SMYD3: variants seen among roughly 807,000 people sequenced by gnomAD.
The protein encoded by SMYD3 is histone-lysine N-methyltransferase SMYD3.
Under a neutral mutation model 57.7 loss-of-function variants are expected in SMYD3, and 36 were observed. The ratio of observed to expected loss-of-function variants is 0.62; its 90% CI spans 0.48 to 0.82. The LOEUF (loss-of-function observed/expected upper bound fraction) is 0.82. Among genes scored for constraint, SMYD3 ranks in the 40% least tolerant of loss-of-function variants. The pLI is 0.00. For missense variants in SMYD3, 515 were observed against 538.8 expected, an observed-to-expected ratio of 0.96 and a Z score of 0.44; for synonymous variants, 211 against 195.0, an observed-to-expected ratio of 1.08 and a Z score of -0.68.
At chr1:246,186,841 A>T in intron 5 of SMYD3, 1 of 985,058 alleles carries the variant, frequency 1.0e-6, no homozygotes, top group Non-Finnish European at 1.2e-6. Context: ...CCAGTCTCAC[A>T]CTCTCCCCAC....
At chr1:246,213,098 G>T (rs1050439617) in intron 5 of SMYD3, among the ~76,000 whole-genome samples, 2 of 152,274 alleles carry the variant, frequency 1.3e-5, no homozygotes, top group South Asian at 4.1e-4. Flanking sequence ...GCAGAGAAAT[G>T]AATAAAATTA....
At chr1:246,023,807 CTGTGTGTGTGTGTGTGTG>C in intron 5 of SMYD3, among the ~76,000 whole-genome samples, 1 of 139,612 alleles carries the variant, frequency 7.2e-6, no homozygotes, top group South Asian at 2.6e-4. Flanking sequence ...TATTACAAAA[CTGTGTGTGTGTGTGTGTG>C]TGTGTGTGTG....
chr1:245,876,746 T>C (rs764266550), intron 8 of SMYD3, among the ~76,000 whole-genome samples: 1 of 152,210 alleles, frequency 6.6e-6, no homozygotes, highest in African/African-American at 2.4e-5. Flanking sequence ...ACAGCTGAGA[T>C]GTGGCCTCAG....
At chr1:246,194,774 T>C (rs1045441258) in intron 5 of SMYD3, among the ~76,000 whole-genome samples, 1 of 152,246 alleles carries the variant, frequency 6.6e-6, no homozygotes, top group African/African-American at 2.4e-5. Context: ...CTGATTGCCA[T>C]ATTGCACAAC....
chr1:246,498,647 T>C (rs1176238485), intron 1 of SMYD3, among the ~76,000 whole-genome samples: 1 of 147,528 alleles, frequency 6.8e-6, no homozygotes, highest in Non-Finnish European at 1.5e-5. Flanking sequence ...AGGAGAATAG[T>C]GTGAACCTGG....
intron 5 of SMYD3, among the ~76,000 whole-genome samples, chr1:246,058,710 C>A (rs1051767079): frequency 6.6e-6 from 1 of 152,014 alleles, no homozygotes; most frequent in Non-Finnish European, 1.5e-5. Flanking sequence ...TTCTACAGAA[C>A]TTATAGCAGC....
intron 5 of SMYD3, chr1:246,189,060 A>G (rs1019644510): frequency 6.6e-6 from 1 of 152,132 alleles, no homozygotes; most frequent in Non-Finnish European, 1.5e-5. Flanking sequence ...CTTGTACAGG[A>G]GCCATACTAA....
intron 10 of SMYD3, among the ~76,000 whole-genome samples, chr1:245,769,131 C>T (rs1346399007): frequency 6.6e-6 from 1 of 152,086 alleles, no homozygotes; most frequent in Non-Finnish European, 1.5e-5. Flanking sequence ...TTTTGCAACT[C>T]CTGGAGAATT....
intron 10 of SMYD3, among the ~76,000 whole-genome samples, chr1:245,805,920 G>T (rs2048124758): frequency 6.6e-6 from 1 of 152,150 alleles, no homozygotes; most frequent in Non-Finnish European, 1.5e-5. Context: ...TACTGCTTCA[G>T]TATATGCAGC....
chr1:246,426,740 T>C (rs1242763188), intron 1 of SMYD3, among the ~76,000 whole-genome samples: 1 of 152,218 alleles, frequency 6.6e-6, no homozygotes, highest in African/African-American at 2.4e-5. Context: ...ATTCTTAGTG[T>C]CTTCCTAATA....
chr1:245,863,983 C>A, intron 8 of SMYD3, 97 bp from the exon 9 acceptor site: 1 of 1,096,184 alleles, frequency 9.1e-7, no homozygotes, highest in African/African-American at 1.6e-5. Flanking sequence ...GCCTGCAAGC[C>A]CCTGAAAAGA....
At chr1:245,918,950 C>G (rs7550259) in intron 7 of SMYD3, among the ~76,000 whole-genome samples, 106,120 of 152,092 alleles carry the variant, frequency 0.7, 41,574 homozygotes, top group Non-Finnish European at 0.89. Context: ...TTGACTAACC[C>G]AAGACTTTAT....
At chr1:246,395,668 CCA>C (rs74163442) in intron 1 of SMYD3, among the ~76,000 whole-genome samples, 4 of 86,078 alleles carry the variant, frequency 4.6e-5, no homozygotes, top group Non-Finnish European at 8.2e-5. Flanking sequence ...GACGAACCCA[CCA>C]CAGTCAGACA....
At chr1:245,797,848 A>T (rs76097620) in intron 10 of SMYD3, among the ~76,000 whole-genome samples, 3 of 138,936 alleles carry the variant, frequency 2.2e-5, no homozygotes, top group East Asian at 2.0e-4. Context: ...AAAAAAAAAA[A>T]GGTGGATCAA....
At chr1:245,845,765 T>C (rs2050633412) in intron 10 of SMYD3, among the ~76,000 whole-genome samples, 1 of 152,256 alleles carries the variant, frequency 6.6e-6, no homozygotes, top group Non-Finnish European at 1.5e-5. Flanking sequence ...TTCATCAGTC[T>C]TTTTATTGGA....
At chr1:246,064,726 C>T (rs1029054677) in intron 5 of SMYD3, among the ~76,000 whole-genome samples, 1 of 152,246 alleles carries the variant, frequency 6.6e-6, no homozygotes, top group East Asian at 1.9e-4. Context: ...ATAAATGTCA[C>T]AACTTCAGCA....
At chr1:245,959,136 CAAACAAACAAA>C (rs947345362) in intron 5 of SMYD3, among the ~76,000 whole-genome samples, 7 of 152,044 alleles carry the variant, frequency 4.6e-5, no homozygotes, top group Non-Finnish European at 1.0e-4. Context: ...AACAAACAAA[CAAACAAACAAA>C]AAACAAACAA....
At chr1:246,089,244 G>A (rs967774750) in intron 5 of SMYD3, among the ~76,000 whole-genome samples, 3 of 152,046 alleles carry the variant, frequency 2.0e-5, no homozygotes, top group African/African-American at 4.8e-5. Flanking sequence ...CTCCCAAAGC[G>A]CTGGGATTAC....
In SMYD3 at chr1:246,302,837, A is replaced by T. The variant is rs75039444; in HGVS notation, c.531+24364T>A. Among the ~76,000 whole-genome samples the T allele has an allele frequency of 6.0e-3, 920 of 152,308 alleles. 12 individuals carry two copies. The highest frequency in any genetic ancestry group is 0.021 in the African/African-American group (857 of 41,564). On this transcript the variant is annotated intron_variant, in intron 5 of 11. Transcript: ENST00000490107. ...TAGCAACATACAGAACCAATAAGCA[A>T]GTCTATGAGGCAGGATCCAGCAGTT...
Sources: gnomAD v4.1 joint callset for allele counts (sites outside exome capture counted in the v4.1 genomes callset) on GRCh38, gnomAD v4.1.1 for gene constraint, MANE v1.5 for transcripts, NCBI Gene and HGNC (gene_info 2026-07-23, HGNC 2026-07-21) for gene names.